PIP5K1B: variants seen among roughly 807,000 people sequenced by gnomAD.
PIP5K1B encodes the protein phosphatidylinositol-4-phosphate 5-kinase type 1 beta.
In PIP5K1B, 42 loss-of-function variants were observed where a neutral mutation model predicts 67.0. The observed-to-expected ratio is 0.63, with a 90% CI of 0.49 to 0.81. The LOEUF is 0.81. Among genes scored for constraint, PIP5K1B ranks in the 30% least tolerant of loss-of-function variants. The pLI, the probability that PIP5K1B is intolerant of heterozygous loss-of-function variation, is 0.00. For missense variants in PIP5K1B, 459 were observed against 646.3 expected (o/e 0.71, Z 3.14); for synonymous variants, 214 against 231.4 (o/e 0.92, Z 0.68).
intron 1 of PIP5K1B, among the ~76,000 whole-genome samples, chr9:68,713,313 C>T (rs1564082815): frequency 6.6e-6 from 1 of 152,110 alleles, no homozygotes; most frequent in South Asian, 2.1e-4. Flanking sequence ...GCAGGAGAAT[C>T]GCTTGAACCC....
intron 2 of PIP5K1B, among the ~76,000 whole-genome samples, chr9:68,792,178 T>C (rs1221010639): frequency 2.0e-5 from 3 of 152,214 alleles, no homozygotes; most frequent in Non-Finnish European, 4.4e-5. Flanking sequence ...GTATGGTTTC[T>C]TTTCTCTTTG....
chr9:69,006,197 A>G (rs1831068374), intron 15 of PIP5K1B, among the ~76,000 whole-genome samples: 1 of 151,734 alleles, frequency 6.6e-6, no homozygotes, highest in Non-Finnish European at 1.5e-5. Context: ...ACTCCGGTTA[A>G]AAAGCACTTC....
intron 4 of PIP5K1B, among the ~76,000 whole-genome samples, chr9:68,862,184 G>C (rs1266229014): frequency 6.6e-6 from 1 of 152,116 alleles, no homozygotes; most frequent in East Asian, 1.9e-4. Context: ...AGTCTGTTTG[G>C]AGGTCAAGTT....
intron 1 of PIP5K1B, among the ~76,000 whole-genome samples, chr9:68,723,160 C>G (rs367933859): frequency 3.3e-5 from 5 of 150,726 alleles, no homozygotes; most frequent in African/African-American, 9.8e-5. Flanking sequence ...TAATATTCCT[C>G]TGTGTGTGTG....
At chr9:68,995,674 G>T (rs1364500431) in intron 15 of PIP5K1B, among the ~76,000 whole-genome samples, 1 of 152,048 alleles carries the variant, frequency 6.6e-6, no homozygotes, top group Non-Finnish European at 1.5e-5. Context: ...GCGTGGTGGT[G>T]CATGCCTGTA....
rs370867194 is a variant in PIP5K1B at position 68,975,547 on chromosome 9, C to G, written c.1503-15593C>G. 9.8e-4 allele frequency among the ~76,000 whole-genome samples: 150 copies of G among 152,294 alleles called. 2 individuals are homozygous for G. In the South Asian group the frequency reaches 0.03, roughly 30 times the overall value. Reference sequence around the variant, plus strand: ...TATGGAGGGAAAGTCAGTGAGTCAGCCTATTTGCCGAGGCCAGCTTGTCCT... The same window carrying G: ...TATGGAGGGAAAGTCAGTGAGTCAGGCTATTTGCCGAGGCCAGCTTGTCCT... On this transcript the variant is annotated intron_variant, in intron 14 of 15. Transcript: ENST00000265382.
intron 14 of PIP5K1B, among the ~76,000 whole-genome samples, chr9:68,976,924 T>C (rs534446392): frequency 1.5e-3 from 224 of 152,288 alleles, no homozygotes; most frequent in African/African-American, 4.9e-3. Flanking sequence ...CCCTGCCCTA[T>C]GATTCAAAAG....
intron 2 of PIP5K1B, chr9:68,781,577 T>C (rs1660975283): frequency 2.4e-5 from 4 of 166,924 alleles, no homozygotes; most frequent in African/African-American, 7.2e-5. Context: ...GGTACTGAAG[T>C]GGATGGGAGG....
At chr9:68,897,312 GCA>G (rs1825137752) in intron 8 of PIP5K1B, among the ~76,000 whole-genome samples, 1 of 152,296 alleles carries the variant, frequency 6.6e-6, no homozygotes, top group African/African-American at 2.4e-5. Context: ...TCACTTATCA[GCA>G]CATATTGCAA....
At chr9:68,771,710 G>T (rs1830678631) in intron 2 of PIP5K1B, among the ~76,000 whole-genome samples, 1 of 152,176 alleles carries the variant, frequency 6.6e-6, no homozygotes. Context: ...CTTGTCTGAT[G>T]AAAAGGGTCT....
chr9:68,945,316 T>C (rs991410572), intron 14 of PIP5K1B, among the ~76,000 whole-genome samples: 1 of 152,084 alleles, frequency 6.6e-6, no homozygotes, highest in Non-Finnish European at 1.5e-5. Flanking sequence ...TGGCTAGTTA[T>C]TGTATTTTTA....
At chr9:68,890,890 A>G (rs1587624194) in intron 7 of PIP5K1B, among the ~76,000 whole-genome samples, 1 of 152,220 alleles carries the variant, frequency 6.6e-6, no homozygotes, top group Non-Finnish European at 1.5e-5. Context: ...GAGCTCAGAT[A>G]TACTTGTCCT....
chr9:68,854,027 TTTATTA>T (rs67326015), intron 4 of PIP5K1B, among the ~76,000 whole-genome samples: 10 of 147,892 alleles, frequency 6.8e-5, no homozygotes, highest in African/African-American at 1.7e-4. Flanking sequence ...TATATAAGTT[TTTATTA>T]TTATTATTAT....
chr9:68,859,054 C>T (rs1352025627), intron 4 of PIP5K1B, among the ~76,000 whole-genome samples: 1 of 152,134 alleles, frequency 6.6e-6, no homozygotes, highest in Non-Finnish European at 1.5e-5. Context: ...TGTAGAATGC[C>T]GTATTGGGAG....
intron 2 of PIP5K1B, chr9:68,781,048 T>C (rs1184495201): frequency 5.6e-6 from 9 of 1,600,324 alleles, no homozygotes; most frequent in South Asian, 1.1e-5. Context: ...CCTGAGACTT[T>C]CTTTTTGCAG....
At chr9:68,793,129 A>ATGTGT (rs6151015) in intron 2 of PIP5K1B, among the ~76,000 whole-genome samples, 17 of 151,980 alleles carry the variant, frequency 1.1e-4, no homozygotes, top group South Asian at 2.1e-4. Flanking sequence ...CATATAGTGT[A>ATGTGT]AGGAACAGGA....
chr9:68,903,787 T>C (rs1587643676), intron 8 of PIP5K1B, among the ~76,000 whole-genome samples: 1 of 152,348 alleles, frequency 6.6e-6, no homozygotes, highest in East Asian at 1.9e-4. Flanking sequence ...CTCTTCTGGG[T>C]TTTGGTGGAG....
Position 68,748,037 on chromosome 9 carries a change from C to T in PIP5K1B, c.-86+5380C>T, listed in dbSNP as rs183371562. Reference sequence around the variant, plus strand: ...AAACCCCATCCTCACTAAGCAGTCACTCCCCATTCCCTACTCCCTGTAGCC... The same window carrying T: ...AAACCCCATCCTCACTAAGCAGTCATTCCCCATTCCCTACTCCCTGTAGCC... On this transcript the variant is annotated intron_variant, in intron 2 of 15. Transcript: ENST00000265382. Among the ~76,000 whole-genome samples, 506 of 152,290 alleles carry T rather than the reference C, an allele frequency of 3.3e-3. 12 individuals are homozygous for T. The highest frequency in any genetic ancestry group is 8.4e-4 in the Non-Finnish European group (57 of 68,032).
intron 12 of PIP5K1B, among the ~76,000 whole-genome samples, chr9:68,927,275 T>C (rs1826757533): frequency 6.6e-6 from 1 of 152,220 alleles, no homozygotes; most frequent in African/African-American, 2.4e-5. Flanking sequence ...TCATTTCTTC[T>C]GAATATGTAC....
Sources: gnomAD v4.1 joint callset for allele counts (sites outside exome capture counted in the v4.1 genomes callset) on GRCh38, gnomAD v4.1.1 for gene constraint, MANE v1.5 for transcripts, NCBI Gene and HGNC (gene_info 2026-07-23, HGNC 2026-07-21) for gene names.